Variants in GTF2A1L observed in about 807,000 individuals in gnomAD.
GTF2A1L encodes general transcription factor IIA subunit 1 like, also known as TFIIA-alpha and beta-like factor.
GTF2A1L carries 48 observed loss-of-function variants against 49.7 expected under a neutral mutation model. The observed-to-expected ratio is 0.97, with a 90% CI of 0.77 to 1.23. GTF2A1L has a LOEUF of 1.23. Ranked by LOEUF, GTF2A1L falls within the 50% of genes most tolerant of loss-of-function variation. GTF2A1L has a pLI of 0.00. For synonymous variants in GTF2A1L, 246 were observed against 193.5 expected (o/e 1.27, Z -2.25); for missense variants, 736 against 564.8 (o/e 1.30, Z -3.07).
intron 3 of GTF2A1L, among the ~76,000 whole-genome samples, chr2:48,631,378 T>C (rs545179332): frequency 9.2e-5 from 14 of 152,212 alleles, no homozygotes; most frequent in Non-Finnish European, 1.5e-4. Flanking sequence ...TAGGAATTTA[T>C]CCATTTCCTC....
chr2:48,653,413 A>G (rs532791306), intron 6 of GTF2A1L, among the ~76,000 whole-genome samples: 78 of 152,254 alleles, frequency 5.1e-4, no homozygotes, highest in African/African-American at 1.9e-3. Context: ...CTTTGTAGTC[A>G]ATACCCTCTT....
At chr2:48,678,876 A>T (rs1412785410) in intron 8 of GTF2A1L, among the ~76,000 whole-genome samples, 1 of 151,940 alleles carries the variant, frequency 6.6e-6, no homozygotes, top group Non-Finnish European at 1.5e-5. Context: ...AGGACTGTTC[A>T]CTTCTATTCC....
At chr2:48,642,709 G>T (rs1338274048) in intron 4 of GTF2A1L, among the ~76,000 whole-genome samples, 19 of 152,144 alleles carry the variant, frequency 1.2e-4, no homozygotes, top group Non-Finnish European at 2.8e-4. Flanking sequence ...ACAAAAATTA[G>T]CTGGGTGTAG....
chr2:48,658,853 A>T (rs1387506813), intron 6 of GTF2A1L, among the ~76,000 whole-genome samples: 3 of 150,430 alleles, frequency 2.0e-5, no homozygotes, highest in Admixed American at 2.0e-4. Flanking sequence ...TGTCTTTTTT[A>T]TTGTGCTTAT....
Position 48,679,587 on chromosome 2 carries a change from C to A in GTF2A1L, c.*145C>A. ...TATGGAATTTAATAAAATTATAATTCAGATGCAGATACAATTACACAATTT... is the reference window on the plus strand; with the variant it reads ...TATGGAATTTAATAAAATTATAATTAAGATGCAGATACAATTACACAATTT... On this transcript the variant is annotated 3_prime_UTR_variant, in exon 9 of 9. Transcript: ENST00000403751. 1 of 1,415,998 alleles carries A rather than the reference C, an allele frequency of 7.1e-7. No individual in the cohort carries two copies. The highest frequency in any genetic ancestry group is 9.2e-7 in the Non-Finnish European group (1 of 1,088,982). The allele number at this position is 1,415,998 out of a possible 1,614,324, so 87.7% of individuals were successfully genotyped here.
At chr2:48,672,510 A>C (rs1021549643) in intron 8 of GTF2A1L, among the ~76,000 whole-genome samples, 1 of 152,182 alleles carries the variant, frequency 6.6e-6, no homozygotes, top group Non-Finnish European at 1.5e-5. Flanking sequence ...GGTAGGGCAG[A>C]CGTGAAGTGC....
intron 3 of GTF2A1L, among the ~76,000 whole-genome samples, chr2:48,636,502 C>G (rs899863428): frequency 2.0e-5 from 3 of 152,146 alleles, no homozygotes; most frequent in Non-Finnish European, 4.4e-5. Context: ...GTGCTACTAA[C>G]TTAATTCATG....
intron 7 of GTF2A1L, among the ~76,000 whole-genome samples, chr2:48,670,247 A>G (rs1323442287): frequency 6.6e-6 from 1 of 150,594 alleles, no homozygotes; most frequent in Non-Finnish European, 1.5e-5. Context: ...AACAAAAATT[A>G]GCAGGGCATG....
chr2:48,667,484 C>T (rs913528846), intron 6 of GTF2A1L, among the ~76,000 whole-genome samples: 1 of 152,140 alleles, frequency 6.6e-6, no homozygotes, highest in African/African-American at 2.4e-5. Flanking sequence ...GCATTCTTTT[C>T]AGCTTTTACA....
In GTF2A1L at chr2:48,646,603, T is replaced by C; in HGVS notation, c.539T>C (p.Leu180Pro). 6.2e-7 allele frequency: 1 copy of C among 1,614,170 alleles called. No individual in the cohort carries two copies. The highest frequency in any genetic ancestry group is 1.3e-5 in the African/African-American group (1 of 75,028). Residue 180 changes from leucine to proline, a missense_variant, in exon 6 of 9, where the codon CTT becomes CCT. Physicochemically the swap from Leu to Pro is moderately conservative, Grantham distance 98. Transcript: ENST00000403751. ...TSVPQLNPWS[L>P]QATTEKSQRI... Reference sequence around the variant, plus strand: ...GTTCCACAATTGAATCCATGGTCTCTTCAAGCAACTACTGAAAAATCACAG... The same window carrying C: ...GTTCCACAATTGAATCCATGGTCTCCTCAAGCAACTACTGAAAAATCACAG...
intron 6 of GTF2A1L, among the ~76,000 whole-genome samples, chr2:48,662,367 A>G (rs1558759181): frequency 6.6e-6 from 1 of 152,234 alleles, no homozygotes; most frequent in Non-Finnish European, 1.5e-5. Flanking sequence ...CATTTTGTGT[A>G]GCTTCAAGTT....
chr2:48,621,048 A>G (rs1265539279), intron 2 of GTF2A1L, 96 bp downstream of exon 2: 1 of 1,510,530 alleles, frequency 6.6e-7, no homozygotes, highest in Non-Finnish European at 8.9e-7. Context: ...ATAGTTTAGT[A>G]CTTACCCATT....
intron 4 of GTF2A1L, among the ~76,000 whole-genome samples, chr2:48,642,662 C>T (rs1002882856): frequency 6.6e-6 from 1 of 152,066 alleles, no homozygotes; most frequent in Non-Finnish European, 1.5e-5. Flanking sequence ...TGAGACCAGC[C>T]TGGCCAACAT....
At chr2:48,621,982 CAT>C (rs1435894413) in intron 3 of GTF2A1L, among the ~76,000 whole-genome samples, 3 of 152,234 alleles carry the variant, frequency 2.0e-5, no homozygotes, top group South Asian at 2.1e-4. Flanking sequence ...TTATGTTACT[CAT>C]ATGTGTATAT....
At position 48,646,452 on chromosome 2, in the gene GTF2A1L, G is replaced by T; in HGVS notation, c.389-1G>T. 2 of 1,563,832 alleles carry T rather than the reference G, an allele frequency of 1.3e-6. No homozygotes were observed. The highest frequency in any genetic ancestry group is 1.4e-5 in the African/African-American group (1 of 71,910). ...TACAATTTTGCTTTCTCCTTTTTAA[G>T]GTCACCTTTATAAAGTCAATGTACC... On this transcript the variant is annotated splice_acceptor_variant, in intron 5 of 8. Transcript: ENST00000403751. LOFTEE classifies it high-confidence loss of function.
intron 6 of GTF2A1L, among the ~76,000 whole-genome samples, chr2:48,652,709 T>G (rs1035726528): frequency 6.6e-6 from 1 of 151,448 alleles, no homozygotes; most frequent in African/African-American, 2.4e-5. Context: ...ATTTATTTAT[T>G]TTTGAGATGG....
At position 48,620,965 on chromosome 2, in the gene GTF2A1L, T is replaced by TA. The variant is rs746767967; in HGVS notation, c.123+14dup. The TA allele has an allele frequency of 2.5e-5, 40 of 1,589,838 alleles. No individual in the cohort carries two copies. The East Asian group carries it at 7.0e-4, about 28-fold the overall frequency. On this transcript the variant is annotated intron_variant, in intron 2 of 8. Transcript: ENST00000403751. ...AGACTTGAAGCAGGTTTGTAGCCGATACAACTTTTTCTTCCTGTCTTTTGT... is the reference window on the plus strand; with the variant it reads ...AGACTTGAAGCAGGTTTGTAGCCGATAACAACTTTTTCTTCCTGTCTTTTGT...
At chr2:48,623,782 C>T (rs899010119) in intron 3 of GTF2A1L, among the ~76,000 whole-genome samples, 21 of 152,010 alleles carry the variant, frequency 1.4e-4, no homozygotes, top group African/African-American at 5.1e-4. Flanking sequence ...GTTGCTGGGG[C>T]CATTATCCTA....
At chr2:48,661,941 G>A (rs1362138202) in intron 6 of GTF2A1L, among the ~76,000 whole-genome samples, 1 of 151,958 alleles carries the variant, frequency 6.6e-6, no homozygotes, top group Non-Finnish European at 1.5e-5. Flanking sequence ...CCGTTTTGCT[G>A]TTTTCTATAT....
Sources: gnomAD v4.1 joint callset for allele counts (sites outside exome capture counted in the v4.1 genomes callset) on GRCh38, gnomAD v4.1.1 for gene constraint, MANE v1.5 for transcripts, NCBI Gene and HGNC (gene_info 2026-07-23, HGNC 2026-07-21) for gene names.